NYAP2: variants seen among roughly 807,000 people sequenced by gnomAD.
The protein encoded by NYAP2 is neuronal tyrosine-phosphorylated phosphoinositide-3-kinase adapter 2.
A neutral mutation model predicts 50.4 loss-of-function variants in NYAP2; 23 were observed. That is an observed-to-expected ratio of 0.46 (90% CI 0.33 to 0.65). The LOEUF is 0.65. NYAP2 is among the 30% of genes least tolerant of loss of function. The pLI is 0.02. For synonymous variants in NYAP2, 394 were observed against 365.2 expected (o/e 1.08, Z -0.90); for missense variants, 885 against 861.0 (o/e 1.03, Z -0.35).
At chr2:225,572,153 A>G (rs983051569) in intron 4 of NYAP2, among the ~76,000 whole-genome samples, 1 of 152,222 alleles carries the variant, frequency 6.6e-6, no homozygotes, top group Non-Finnish European at 1.5e-5. Context: ...CTCTCTAGGA[A>G]GTTTCAAACT....
intron 3 of NYAP2, among the ~76,000 whole-genome samples, chr2:225,509,307 G>T (rs1177786469): frequency 6.6e-6 from 1 of 152,104 alleles, no homozygotes; most frequent in Non-Finnish European, 1.5e-5. Context: ...GATAACCTTG[G>T]TTTCACACAT....
intron 4 of NYAP2, among the ~76,000 whole-genome samples, chr2:225,540,432 T>TG (rs1443513151): frequency 6.6e-6 from 1 of 152,206 alleles, no homozygotes; most frequent in Non-Finnish European, 1.5e-5. Flanking sequence ...TCTCACATGG[T>TG]GGCAGACAAG....
chr2:225,406,410 G>GT (rs1177111865), intron 2 of NYAP2, among the ~76,000 whole-genome samples: 2 of 151,890 alleles, frequency 1.3e-5, no homozygotes, highest in Admixed American at 1.3e-4. Flanking sequence ...AATAAAACAT[G>GT]TATGACCAAC....
chr2:225,478,404 AT>A (rs1432209734), intron 3 of NYAP2, among the ~76,000 whole-genome samples: 3 of 152,202 alleles, frequency 2.0e-5, no homozygotes, highest in Non-Finnish European at 4.4e-5. Context: ...TTATGAATTC[AT>A]TTTTCCCAAA....
intron 5 of NYAP2, among the ~76,000 whole-genome samples, chr2:225,591,792 A>G (rs1692510119): frequency 6.6e-6 from 1 of 152,196 alleles, no homozygotes. Flanking sequence ...AATTTTCATC[A>G]AAAGTCTAAG....
intron 6 of NYAP2, among the ~76,000 whole-genome samples, chr2:225,629,043 G>A (rs566299338): frequency 5.9e-5 from 9 of 152,084 alleles, no homozygotes; most frequent in Admixed American, 1.3e-4. Context: ...GGATTAGTTC[G>A]CATAATCATG....
the NYAP2 span, chr2:225,699,883 TA>T: frequency 1.3e-4 from 20 of 152,006 alleles, no homozygotes; most frequent in Middle Eastern, 6.8e-3. Flanking sequence ...CACGAATGAA[TA>T]AAAAAGAAAC....
chr2:225,557,583 T>C (rs1048382000), intron 4 of NYAP2, among the ~76,000 whole-genome samples: 1 of 152,134 alleles, frequency 6.6e-6, no homozygotes, highest in Admixed American at 6.6e-5. Flanking sequence ...TACAACTATA[T>C]AGAGGAAGGA....
chr2:225,416,647 G>A (rs1032332756), intron 3 of NYAP2, among the ~76,000 whole-genome samples: 9 of 152,168 alleles, frequency 5.9e-5, no homozygotes, highest in African/African-American at 1.7e-4. Flanking sequence ...CTTTAAAGGT[G>A]CCTGTTAGGG....
chr2:225,451,741 T>C (rs1689656796), intron 3 of NYAP2, among the ~76,000 whole-genome samples: 1 of 152,236 alleles, frequency 6.6e-6, no homozygotes, highest in Admixed American at 6.5e-5. Context: ...TGAAATAGTT[T>C]TTCTTAGCTT....
chr2:225,592,882 A>G (rs1277793355), intron 5 of NYAP2, among the ~76,000 whole-genome samples: 1 of 152,210 alleles, frequency 6.6e-6, no homozygotes, highest in East Asian at 1.9e-4. Context: ...CATTAAGAAG[A>G]ACCCTACCTG....
chr2:225,608,622 A>G (rs1219021316), intron 5 of NYAP2, among the ~76,000 whole-genome samples: 1 of 151,974 alleles, frequency 6.6e-6, no homozygotes, highest in African/African-American at 2.4e-5. Context: ...CCATCTTTCA[A>G]TTTTTTAAAA....
chr2:225,494,301 T>C (rs1188199616), intron 3 of NYAP2, among the ~76,000 whole-genome samples: 1 of 152,212 alleles, frequency 6.6e-6, no homozygotes, highest in Non-Finnish European at 1.5e-5. Flanking sequence ...TGTCACCTGA[T>C]TTACTGTGAA....
At chr2:225,595,341 T>C (rs1167894306) in intron 5 of NYAP2, among the ~76,000 whole-genome samples, 1 of 152,106 alleles carries the variant, frequency 6.6e-6, no homozygotes, top group Non-Finnish European at 1.5e-5. Context: ...AACTAAGAAA[T>C]CTAGATCCCC....
At chr2:225,449,265 A>G (rs539920597) in intron 3 of NYAP2, among the ~76,000 whole-genome samples, 34 of 152,330 alleles carry the variant, frequency 2.2e-4, no homozygotes, top group Middle Eastern at 3.4e-3. Flanking sequence ...ATAATAGGGT[A>G]ATAGTACTGA....
chr2:225,697,805 A>G, the NYAP2 span, among the ~76,000 whole-genome samples: 1 of 151,980 alleles, frequency 6.6e-6, no homozygotes, highest in Non-Finnish European at 1.5e-5. Context: ...ATGTTTACTA[A>G]TTTAAGTACA....
At chr2:225,626,045 TAAAG>T (rs1693205676) in intron 5 of NYAP2, among the ~76,000 whole-genome samples, 1 of 152,122 alleles carries the variant, frequency 6.6e-6, no homozygotes, top group South Asian at 2.1e-4. Context: ...CATTATCACT[TAAAG>T]AAAGAGAGAG....
At chr2:225,663,590 C>T in the NYAP2 span, among the ~76,000 whole-genome samples, 2 of 152,088 alleles carry the variant, frequency 1.3e-5, no homozygotes, top group African/African-American at 4.8e-5. Flanking sequence ...CAGAGTCTCA[C>T]TGTGTCACCC....
chr2:225,411,643 C>A (rs183152961), intron 3 of NYAP2, among the ~76,000 whole-genome samples: 1 of 151,282 alleles, frequency 6.6e-6, no homozygotes, highest in East Asian at 1.9e-4. Context: ...CCTGGAGGCA[C>A]CTGATTGCTC....
Sources: allele counts gnomAD v4.1 joint callset (sites outside exome capture counted in the v4.1 genomes callset), GRCh38; gene constraint gnomAD v4.1.1; transcripts MANE v1.5; gene names NCBI Gene and HGNC (gene_info 2026-07-23, HGNC 2026-07-21).